Variants in RYR2 observed in about 807,000 individuals in gnomAD.
RYR2 encodes cardiac muscle ryanodine receptor-calcium release channel.
In RYR2, 227 loss-of-function variants were observed where a neutral mutation model predicts 601.1. The observed-to-expected ratio is 0.38, with a 90% CI of 0.34 to 0.42. The LOEUF (loss-of-function observed/expected upper bound fraction) is 0.42. RYR2 is among the 10% of genes least tolerant of loss of function. RYR2 has a pLI of 1.00. For synonymous variants in RYR2, 2,223 were observed against 2,175.1 expected (o/e 1.02, Z -0.61); for missense variants, 4,646 against 6,156.5 (o/e 0.75, Z 8.21).
chr1:237,695,690 A>G (rs889075769), intron 63 of RYR2, among the ~76,000 whole-genome samples: 6 of 152,170 alleles, frequency 3.9e-5, no homozygotes, highest in African/African-American at 1.4e-4. Context: ...AAGCCTTACC[A>G]CATGCTTTAC....
intron 100 of RYR2, among the ~76,000 whole-genome samples, chr1:237,811,380 T>C (rs945814599): frequency 6.6e-6 from 1 of 152,224 alleles, no homozygotes; most frequent in African/African-American, 2.4e-5. Flanking sequence ...TATTTAAAAC[T>C]TTATCATAAA....
chr1:237,273,237 C>T (rs1012075720), intron 2 of RYR2, among the ~76,000 whole-genome samples: 4 of 152,028 alleles, frequency 2.6e-5, no homozygotes, highest in Non-Finnish European at 5.9e-5. Context: ...CAACCTAGAT[C>T]CCTTGCATGT....
intron 18 of RYR2, among the ~76,000 whole-genome samples, chr1:237,492,246 G>C (rs1002017735): frequency 6.6e-6 from 1 of 152,166 alleles, no homozygotes; most frequent in Non-Finnish European, 1.5e-5. Flanking sequence ...TGGTCAGGCT[G>C]GTCTTGAGCT....
chr1:237,363,049 T>C (rs532538192), intron 4 of RYR2, among the ~76,000 whole-genome samples: 1 of 151,060 alleles, frequency 6.6e-6, no homozygotes, highest in Non-Finnish European at 1.5e-5. Context: ...GCTGAGAAAA[T>C]TGTCTGAAGG....
chr1:237,594,905 T>TTTTTTTTTTTTTTTTTTTTTTTTTTTG (rs1675688193), intron 33 of RYR2, among the ~76,000 whole-genome samples: 1 of 50,070 alleles, frequency 2.0e-5, no homozygotes, highest in Non-Finnish European at 5.6e-5. Flanking sequence ...TTTTTTTTTT[T>TTTTTTTTTTTTTTTTTTTTTTTTTTTG]TTTTTTTTTT....
At chr1:237,355,087 T>C (rs1469452400) in intron 3 of RYR2, among the ~76,000 whole-genome samples, 2 of 152,156 alleles carry the variant, frequency 1.3e-5, no homozygotes, top group Admixed American at 6.5e-5. Context: ...AGCATTAGCT[T>C]CTTACCTAAT....
chr1:237,712,645 TTATGTG>T (rs1688943104), intron 71 of RYR2, among the ~76,000 whole-genome samples: 1 of 152,184 alleles, frequency 6.6e-6, no homozygotes, highest in African/African-American at 2.4e-5. Flanking sequence ...ATTTGTGTGC[TTATGTG>T]TACCAAAGAA....
intron 58 of RYR2, among the ~76,000 whole-genome samples, chr1:237,671,215 A>G (rs986315019): frequency 6.6e-6 from 1 of 152,206 alleles, no homozygotes; most frequent in Non-Finnish European, 1.5e-5. Context: ...ACCAGTAGGA[A>G]ACGTGTTGAA....
chr1:237,787,874 T>A (rs1558414973), intron 91 of RYR2, 114 bp from the exon 92 acceptor site: 3 of 1,026,720 alleles, frequency 2.9e-6, no homozygotes, highest in Non-Finnish European at 4.2e-6. Context: ...AGAAATTAGT[T>A]TTCAAAAGTA....
At chr1:237,557,273 A>G (rs1209798081) in intron 27 of RYR2, among the ~76,000 whole-genome samples, 1 of 152,198 alleles carries the variant, frequency 6.6e-6, no homozygotes, top group East Asian at 1.9e-4. Flanking sequence ...GCTTGTTACA[A>G]TTACTTCTAT....
chr1:237,644,112 AT>A (rs1326710210), intron 48 of RYR2, among the ~76,000 whole-genome samples: 2 of 152,082 alleles, frequency 1.3e-5, no homozygotes, highest in Non-Finnish European at 2.9e-5. Context: ...TTAGTTATGC[AT>A]TTTGATAGTT....
intron 1 of RYR2, among the ~76,000 whole-genome samples, chr1:237,131,117 G>T (rs1295644212): frequency 1.3e-5 from 2 of 152,146 alleles, no homozygotes; most frequent in Admixed American, 1.3e-4. Context: ...GGAAGGTGAA[G>T]CAGGAATACT....
rs763937941 is a variant in RYR2, at chr1:237,577,500, CTG to C, written c.3598+8216_3598+8217del. Among the ~76,000 whole-genome samples the C allele has an allele frequency of 4.2e-3, 480 of 113,742 alleles. 1 individual carries two copies. Among genetic ancestry groups the C allele is most frequent in the East Asian group, 0.029 (123 of 4,222 alleles). 74.6% of individuals were successfully genotyped at this position (113,742 alleles called of 152,430 possible). A position where few individuals can be genotyped will look rare whatever the true frequency, so the allele number is the denominator to read the frequency against. ...AAGAAGGAAGTAGGAGTGTGTGTTT[CTG>C]TGTGTGTGTGTGTGTGTGTGTGTGT... On this transcript the variant is annotated intron_variant, in intron 29 of 104. Coordinates refer to ENST00000366574, the MANE Select transcript of RYR2 (RefSeq NM_001035.3).
At chr1:237,684,793 C>T (rs1010596246) in intron 62 of RYR2, among the ~76,000 whole-genome samples, 3 of 147,594 alleles carry the variant, frequency 2.0e-5, no homozygotes, top group Non-Finnish European at 4.5e-5. Context: ...ATATATAATG[C>T]TTGAAGCTCC....
chr1:237,408,995 T>A (rs1396320665), intron 10 of RYR2, among the ~76,000 whole-genome samples: 1 of 152,130 alleles, frequency 6.6e-6, no homozygotes, highest in African/African-American at 2.4e-5. Flanking sequence ...TAGAAGAAAT[T>A]GATTTTTGTG....
Position 237,590,805 on chromosome 1 carries a change from G to A in RYR2, c.3973G>A (p.Ala1325Thr). 6.2e-7 allele frequency: 1 copy of A among 1,613,890 alleles called. No individual in the cohort carries two copies. Among genetic ancestry groups the A allele is most frequent in the Non-Finnish European group, 8.5e-7 (1 of 1,179,866 alleles). ...SKTVAGGLPG[A>T]GLFGPKNDLE... ...GACGGTGGCTGGAGGGCTCCCTGGG[G>A]CTGGCCTTTTTGGGCCCAAGAATGA... Residue 1325 changes from alanine (A) to threonine (T), a missense_variant, in exon 31 of 105, where the codon GCT (alanine) becomes ACT (threonine). Ala to Thr is a moderately conservative substitution (Grantham distance 58). This residue lies in a region of RYR2 where 1,807 missense variants were observed against 2,088.1 expected (regional missense o/e 0.87). Coordinates refer to ENST00000366574, the MANE Select transcript of RYR2 (RefSeq NM_001035.3).
intron 98 of RYR2, among the ~76,000 whole-genome samples, chr1:237,803,309 TTC>T (rs1187563660): frequency 2.6e-5 from 3 of 115,110 alleles, no homozygotes; most frequent in Non-Finnish European, 3.3e-5. Flanking sequence ...CTTTGCATTT[TTC>T]TTTTTTTTTT....
chr1:237,682,261 G>A (rs552821111), intron 62 of RYR2, among the ~76,000 whole-genome samples: 1 of 152,174 alleles, frequency 6.6e-6, no homozygotes, highest in African/African-American at 2.4e-5. Context: ...CATTTACCTT[G>A]GCCAATTCTG....
At chr1:237,631,918 C>G (rs186310134) in intron 42 of RYR2, among the ~76,000 whole-genome samples, 5 of 151,828 alleles carry the variant, frequency 3.3e-5, no homozygotes, top group Non-Finnish European at 5.9e-5. Flanking sequence ...CAGGCGTGAG[C>G]CACCGCGCCC....
Sources: allele counts gnomAD v4.1 joint callset (sites outside exome capture counted in the v4.1 genomes callset), GRCh38; gene constraint gnomAD v4.1.1; regional missense constraint gnomAD v4.1.1; transcripts MANE v1.5; gene names NCBI Gene and HGNC (gene_info 2026-07-23, HGNC 2026-07-21).